Variants in ABLIM3 observed in about 807,000 individuals in gnomAD.
ABLIM3 encodes actin-binding LIM protein 3.
A neutral mutation model predicts 109.5 loss-of-function variants in ABLIM3; 61 were observed. That is an observed-to-expected ratio of 0.56 (90% confidence interval 0.45 to 0.69). The LOEUF (loss-of-function observed/expected upper bound fraction) is 0.69. Among genes scored for constraint, ABLIM3 ranks in the 30% least tolerant of loss-of-function variants. ABLIM3 has a pLI of 0.00. For missense variants in ABLIM3, 796 were observed against 889.5 expected, an observed-to-expected ratio of 0.89 and a Z score of 1.34; for synonymous variants, 300 against 324.8, an observed-to-expected ratio of 0.92 and a Z score of 0.82.
chr5:149,178,944 C>A (rs147101891), intron 2 of ABLIM3, among the ~76,000 whole-genome samples: 1 of 152,058 alleles, frequency 6.6e-6, no homozygotes, highest in Non-Finnish European at 1.5e-5. Flanking sequence ...TAGGTAACAG[C>A]AGAGAGGGAA....
rs529586401 is a variant in ABLIM3, at chr5:149,259,605, G to A, written c.*1201G>A. The A allele has an allele frequency of 2.4e-4, 363 of 1,533,898 alleles. No individual in the cohort carries two copies. Among genetic ancestry groups the A allele is most frequent in the African/African-American group, 4.9e-4 (36 of 73,092 alleles). On this transcript the variant is annotated 3_prime_UTR_variant, in exon 24 of 24. Transcript: ENST00000309868. ...CCAAAATGAAGTGTTGGCCAACACC[G>A]CTCATGGCCATCCTGGATTTTCCCA...
chr5:149,178,342 T>A (rs1339867758), intron 2 of ABLIM3, among the ~76,000 whole-genome samples: 1 of 152,126 alleles, frequency 6.6e-6, no homozygotes, highest in African/African-American at 2.4e-5. Context: ...TGCATGGTTA[T>A]GTGTGGCATC....
At chr5:149,159,547 C>T (rs1754144262) in intron 2 of ABLIM3, among the ~76,000 whole-genome samples, 2 of 152,136 alleles carry the variant, frequency 1.3e-5, no homozygotes, top group Non-Finnish European at 2.9e-5. Flanking sequence ...CGTGTATCCC[C>T]TTAAACAGAG....
chr5:149,203,364 G>A (rs1016694587), intron 5 of ABLIM3, among the ~76,000 whole-genome samples: 1 of 151,690 alleles, frequency 6.6e-6, no homozygotes, highest in Non-Finnish European at 1.5e-5. Flanking sequence ...GACTGTTACT[G>A]TTGCCAGATA....
chr5:149,201,585 G>C (rs956593222), intron 5 of ABLIM3, among the ~76,000 whole-genome samples: 6 of 152,198 alleles, frequency 3.9e-5, no homozygotes, highest in Non-Finnish European at 7.3e-5. Context: ...AGCCAAATCA[G>C]ATCTGTTCCT....
At chr5:149,237,965 T>A in intron 11 of ABLIM3, among the ~76,000 whole-genome samples, 1 of 152,146 alleles carries the variant, frequency 6.6e-6, no homozygotes, top group Admixed American at 6.5e-5. Context: ...GTATTTCTTA[T>A]ACTGTAGGAA....
chr5:149,224,599 C>T (rs951275793), intron 8 of ABLIM3, among the ~76,000 whole-genome samples: 20 of 152,362 alleles, frequency 1.3e-4, no homozygotes, highest in Admixed American at 1.2e-3. Flanking sequence ...ACCCAGGCCC[C>T]AGCTCCCTGC....
intron 23 of ABLIM3, 152 bp downstream of exon 23, chr5:149,252,989 C>T: frequency 1.7e-6 from 1 of 588,456 alleles, no homozygotes; most frequent in Non-Finnish European, 3.0e-6. Flanking sequence ...ATTTCCTCAG[C>T]CCAAAACTTC....
intron 21 of ABLIM3, 139 bp from the exon 22 acceptor site, chr5:149,252,062 G>A: frequency 1.1e-6 from 1 of 914,300 alleles, no homozygotes; most frequent in Non-Finnish European, 1.6e-6. Context: ...ATTCAGCAAG[G>A]ACAAGGTCTC....
At chr5:149,194,838 AGAG>A (rs1366480730) in intron 3 of ABLIM3, among the ~76,000 whole-genome samples, 1 of 152,222 alleles carries the variant, frequency 6.6e-6, no homozygotes, top group African/African-American at 2.4e-5. Context: ...GCTCTTAAGG[AGAG>A]GAGAACAGGC....
chr5:149,216,636 G>A (rs1760119645), intron 7 of ABLIM3: 1 of 289,124 alleles, frequency 3.5e-6, no homozygotes, highest in Non-Finnish European at 6.5e-6. Context: ...ATGCTGGGAT[G>A]TCCTCAAAGC....
At chr5:149,158,969 A>G (rs895915845) in intron 2 of ABLIM3, among the ~76,000 whole-genome samples, 2 of 152,350 alleles carry the variant, frequency 1.3e-5, no homozygotes, top group East Asian at 3.9e-4. Context: ...AAACTGATAC[A>G]GTTTTATAAA....
At chr5:149,163,028 C>T (rs1372801006) in intron 2 of ABLIM3, among the ~76,000 whole-genome samples, 1 of 152,198 alleles carries the variant, frequency 6.6e-6, no homozygotes, top group East Asian at 1.9e-4. Context: ...GCAGGGTCTG[C>T]GACAGGCTGG....
Position 149,154,999 on chromosome 5 carries a change from G to A in ABLIM3, c.13+12891G>A, listed in dbSNP as rs116473240. On this transcript the variant is annotated intron_variant, in intron 2 of 23. Transcript: ENST00000309868. ...TCACAAAGTTAAGAAAAGTGATGGA[G>A]CCTTGAGTGAATATGTGGATGGATT... is the stretch of plus-strand genomic sequence containing the variant. 8.9e-3 allele frequency among the ~76,000 whole-genome samples: 1,363 copies of A among 152,328 alleles called. 14 individuals carry two copies. Among genetic ancestry groups the A allele is most frequent in the African/African-American group, 0.031 (1,289 of 41,560 alleles).
intron 10 of ABLIM3, among the ~76,000 whole-genome samples, chr5:149,235,178 CTG>C (rs1000198802): frequency 6.6e-6 from 1 of 152,188 alleles, no homozygotes; most frequent in Non-Finnish European, 1.5e-5. Context: ...CTGGGAATGA[CTG>C]AACATGTCAT....
chr5:149,216,696 A>C (rs2127525256), intron 7 of ABLIM3: 3 of 434,176 alleles, frequency 6.9e-6, no homozygotes, highest in Non-Finnish European at 1.2e-5. Context: ...GTGGCCTCTC[A>C]AGTGTCCTTC....
In ABLIM3 at chr5:149,198,928, C is replaced by A; in HGVS notation, c.335+526C>A. ...AGCCATTCCAACCTCATTGGGTTTT[C>A]TCGAAGATCAATGAGATGATGATGC... On this transcript the variant is annotated intron_variant, in intron 4 of 23. Transcript: ENST00000309868. The surrounding 1 kb of genome is among the most constrained non-coding windows in gnomAD (Gnocchi z 4.2). 2.6e-6 allele frequency: 1 copy of A among 389,414 alleles called. No homozygotes were observed. The highest frequency in any genetic ancestry group is 5.2e-6 in the Non-Finnish European group (1 of 193,396). The allele number at this position is 389,414 out of a possible 1,614,324, so 24.1% of individuals were successfully genotyped here.
At chr5:149,181,812 T>G (rs1756479143) in intron 2 of ABLIM3, among the ~76,000 whole-genome samples, 1 of 152,238 alleles carries the variant, frequency 6.6e-6, no homozygotes, top group South Asian at 2.1e-4. Flanking sequence ...TATGCTACAG[T>G]CTCAGAGGCT....
chr5:149,230,177 A>G (rs1010532747), intron 8 of ABLIM3, among the ~76,000 whole-genome samples: 2 of 152,172 alleles, frequency 1.3e-5, no homozygotes, highest in Non-Finnish European at 2.9e-5. Flanking sequence ...TCTTCACCCC[A>G]CAAACATGTA....
Sources: gnomAD v4.1 joint callset for allele counts (sites outside exome capture counted in the v4.1 genomes callset) on GRCh38, gnomAD v4.1.1 for gene constraint, Gnocchi (gnomAD v3.1) non-coding constraint, MANE v1.5 for transcripts, NCBI Gene and HGNC (gene_info 2026-07-23, HGNC 2026-07-21) for gene names.